ROR2: variants seen among roughly 807,000 people sequenced by gnomAD.
ROR2 encodes tyrosine-protein kinase transmembrane receptor ROR2.
A neutral mutation model predicts 74.9 loss-of-function variants in ROR2; 33 were observed. The observed-to-expected ratio is 0.44, with a 90% CI of 0.33 to 0.59. The LOEUF (loss-of-function observed/expected upper bound fraction) is 0.59. Among genes scored for constraint, ROR2 ranks in the 20% least tolerant of loss-of-function variants. The pLI, the probability that ROR2 is intolerant of heterozygous loss-of-function variation, is 0.02. For synonymous variants in ROR2, 586 were observed against 558.7 expected (o/e 1.05, Z -0.69); for missense variants, 1,216 against 1,313.8 (o/e 0.93, Z 1.15).
intron 1 of ROR2, among the ~76,000 whole-genome samples, chr9:91,852,857 G>C (rs888367994): frequency 9.2e-5 from 14 of 152,234 alleles, no homozygotes; most frequent in African/African-American, 3.1e-4. Context: ...TGAAGAGAAG[G>C]GAGATTTCTG....
At chr9:91,736,638 C>A (rs902031459) in intron 5 of ROR2, among the ~76,000 whole-genome samples, 3 of 152,166 alleles carry the variant, frequency 2.0e-5, no homozygotes, top group Non-Finnish European at 4.4e-5. Flanking sequence ...AGGAGGAGGG[C>A]TCTGTAGGAC....
At chr9:91,813,477 G>A (rs1481656756) in intron 1 of ROR2, among the ~76,000 whole-genome samples, 2 of 152,320 alleles carry the variant, frequency 1.3e-5, no homozygotes, top group South Asian at 2.1e-4. Flanking sequence ...ACAGCACTCA[G>A]GGCCCACTGG....
chr9:91,756,324 T>C (rs1825748743), intron 3 of ROR2, among the ~76,000 whole-genome samples: 1 of 152,196 alleles, frequency 6.6e-6, no homozygotes, highest in South Asian at 2.1e-4. Flanking sequence ...TTTGGAGTTT[T>C]TGCTGTCCTT....
At chr9:91,750,214 T>C (rs1199534045) in intron 4 of ROR2, among the ~76,000 whole-genome samples, 1 of 152,170 alleles carries the variant, frequency 6.6e-6, no homozygotes, top group Non-Finnish European at 1.5e-5. Flanking sequence ...AAAACACATA[T>C]CCTAACAGAA....
intron 1 of ROR2, among the ~76,000 whole-genome samples, chr9:91,854,809 G>GT (rs1411474571): frequency 6.6e-6 from 1 of 152,202 alleles, no homozygotes; most frequent in Non-Finnish European, 1.5e-5. Flanking sequence ...CTCGTTAGAG[G>GT]TAAGGTTTGA....
At chr9:91,785,987 C>T (rs534243290) in intron 1 of ROR2, among the ~76,000 whole-genome samples, 1 of 152,186 alleles carries the variant, frequency 6.6e-6, no homozygotes, top group East Asian at 1.9e-4. Flanking sequence ...ATACAACATA[C>T]ACACGACAGA....
At position 91,730,976 on chromosome 9, in the gene ROR2, C is replaced by T. The variant is rs760074825; in HGVS notation, c.1117G>A (p.Glu373Lys). 2 of 1,614,238 alleles carry T rather than the reference C, an allele frequency of 1.2e-6. No individual in the cohort carries two copies. Among genetic ancestry groups the T allele is most frequent in the Middle Eastern group, 1.6e-4 (1 of 6,062 alleles). The change falls in exon 7 of 9, where the codon GAG (glutamate) becomes AAG (lysine). Residue 373 changes from glutamate (E) to lysine (K), a missense_variant. Coordinates refer to ENST00000375708, the MANE Select transcript of ROR2 (RefSeq NM_004560.4). ...AYCRNPGGQM[E>K]GPWCFTQNKN... ...TTCTGCGTAAAGCACCAGGGGCCCT[C>T]CATCTGGCCTCCGGGGTTCCGGCAG...
At chr9:91,751,756 G>T (rs367896355) in intron 4 of ROR2, among the ~76,000 whole-genome samples, 19 of 152,150 alleles carry the variant, frequency 1.2e-4, no homozygotes, top group African/African-American at 4.3e-4. Flanking sequence ...CAAAGCACAC[G>T]TATTTTTGAA....
intron 1 of ROR2, among the ~76,000 whole-genome samples, chr9:91,804,112 T>C (rs1827475045): frequency 6.6e-6 from 1 of 152,122 alleles, no homozygotes; most frequent in Non-Finnish European, 1.5e-5. Flanking sequence ...ATAGGAACCA[T>C]CATGGTATCA....
chr9:91,791,422 T>A (rs75684819), intron 1 of ROR2, among the ~76,000 whole-genome samples: 2,960 of 152,290 alleles, frequency 0.019, 94 homozygotes, highest in African/African-American at 0.068. Flanking sequence ...CAAAATAGCC[T>A]GGTGACATAT....
At chr9:91,898,578 G>C (rs565614684) in intron 1 of ROR2, among the ~76,000 whole-genome samples, 2 of 152,260 alleles carry the variant, frequency 1.3e-5, no homozygotes, top group Non-Finnish European at 2.9e-5. Flanking sequence ...CAAGACAAAC[G>C]TACAGCCAGG....
chr9:91,731,768 A>G (rs897312201), intron 6 of ROR2, among the ~76,000 whole-genome samples: 7 of 152,156 alleles, frequency 4.6e-5, no homozygotes, highest in Admixed American at 2.0e-4. Context: ...TACAAAAATT[A>G]GCCAGATGTG....
chr9:91,874,763 C>G (rs1265614069), intron 1 of ROR2, among the ~76,000 whole-genome samples: 1 of 152,124 alleles, frequency 6.6e-6, no homozygotes, highest in Non-Finnish European at 1.5e-5. Flanking sequence ...TGGACAAACC[C>G]TGTCTCCACT....
At chr9:91,944,881 C>A (rs1831971334) in intron 1 of ROR2, among the ~76,000 whole-genome samples, 1 of 152,014 alleles carries the variant, frequency 6.6e-6, no homozygotes, top group South Asian at 2.1e-4. Flanking sequence ...AGTGGACCTC[C>A]ATCTCTACGA....
chr9:91,725,017 A>G lies in ROR2; in HGVS notation c.1477T>C (p.Phe493Leu). The change falls in exon 9 of 9, where the codon TTC (phenylalanine) becomes CTC (leucine). Residue 493 changes from phenylalanine to leucine, a missense_variant. Coordinates refer to ENST00000375708, the MANE Select transcript of ROR2 (RefSeq NM_004560.4). ...RFGKVYKGHL[F>L]GPAPGEQTQA... The stretch of plus-strand genomic sequence containing the variant: ...GTCTGCTCCCCCGGGGCAGGGCCGA[A>G]CAGGTGACCTTTGTAGACTTTCCCA... 8.1e-6 allele frequency: 13 copies of G among 1,613,940 alleles called. No homozygotes were observed. Among genetic ancestry groups the G allele is most frequent in the Non-Finnish European group, 1.1e-5 (13 of 1,180,012 alleles).
At chr9:91,823,358 G>A (rs1373985591) in intron 1 of ROR2, among the ~76,000 whole-genome samples, 2 of 149,882 alleles carry the variant, frequency 1.3e-5, no homozygotes, top group Admixed American at 6.6e-5. Flanking sequence ...TTTTCAAGAC[G>A]GAATCTTGCT....
At chr9:91,757,668 C>T (rs1825803360) in intron 2 of ROR2, 109 bp from the exon 3 acceptor site, 1 of 1,216,798 alleles carries the variant, frequency 8.2e-7, no homozygotes, top group East Asian at 2.5e-5. Flanking sequence ...CGATTTTTGT[C>T]ACCTACTAAA....
intron 1 of ROR2, among the ~76,000 whole-genome samples, chr9:91,855,830 C>G (rs1485313032): frequency 6.6e-6 from 1 of 152,026 alleles, no homozygotes; most frequent in Admixed American, 6.5e-5. Context: ...GGGGTCAGCA[C>G]CCCCAAGAGA....
chr9:91,889,090 T>C (rs1044999225), intron 1 of ROR2, among the ~76,000 whole-genome samples: 3 of 152,188 alleles, frequency 2.0e-5, no homozygotes, highest in African/African-American at 4.8e-5. Flanking sequence ...CATTCCCCCA[T>C]GCCTAGCCAA....
Sources: gnomAD v4.1 joint callset for allele counts (sites outside exome capture counted in the v4.1 genomes callset) on GRCh38, gnomAD v4.1.1 for gene constraint, MANE v1.5 for transcripts, NCBI Gene and HGNC (gene_info 2026-07-23, HGNC 2026-07-21) for gene names.